The following MX2 variants were observed in gnomAD, a reference collection of about 807,000 sequenced individuals.
MX2 encodes interferon-induced GTP-binding protein Mx2.
MX2 carries 51 observed loss-of-function variants against 74.0 expected under a neutral mutation model. The ratio of observed to expected loss-of-function variants is 0.69; its 90% CI spans 0.55 to 0.87. The LOEUF is 0.87. Ranked by LOEUF, MX2 falls within the 40% of genes least tolerant of loss-of-function variation. MX2 has a pLI of 0.00. For missense variants in MX2, 832 were observed against 908.7 expected (o/e 0.92, Z 1.09); for synonymous variants, 369 against 339.3 (o/e 1.09, Z -0.96).
At chr21:41,386,579 T>A (rs2145913147) in intron 5 of MX2, among the ~76,000 whole-genome samples, 1 of 152,320 alleles carries the variant, frequency 6.6e-6, no homozygotes, top group South Asian at 2.1e-4. Context: ...CTTGGCCCCC[T>A]GTAGTCTGTC....
chr21:41,403,888 A>C, intron 12 of MX2: 1 of 224,252 alleles, frequency 4.5e-6, no homozygotes, highest in African/African-American at 2.3e-5. Flanking sequence ...AAGAAGGACA[A>C]TTTTCGTCAT....
In MX2 at chr21:41,362,067, G is replaced by T. The variant is rs2089214377; in HGVS notation, c.-72+12G>T. The T allele has an allele frequency of 6.6e-6, 1 of 152,322 alleles. No homozygotes were observed. The highest frequency in any genetic ancestry group is 6.5e-5 in the Admixed American group (1 of 15,288). 9.4% of individuals were successfully genotyped at this position (152,322 alleles called of 1,614,324 possible). A position where few individuals can be genotyped will look rare whatever the true frequency, so the allele number is the denominator to read the frequency against. On this transcript the variant is annotated intron_variant, in intron 1 of 13. Coordinates refer to ENST00000330714, the MANE Select transcript of MX2 (RefSeq NM_002463.2). ...CTGAACGTGCAGCGGTAAGAGCGGG[G>T]CCGGTGCAGGGAGGGCTGCTTTGTG... is the stretch of plus-strand genomic sequence containing the variant.
rs1258912490 is a variant in MX2 at position 41,406,697 on chromosome 21, G to A, written c.1651-47G>A. 5 of 1,578,270 alleles carry A rather than the reference G, an allele frequency of 3.2e-6. No individual in the cohort carries two copies. The African/African-American group carries it at 6.8e-5, about 22-fold the overall frequency. ...ACTTCCAAATTTGTTTAAGCCAACA[G>A]GAAAGAAGAAAAAGAAGTAATGTGT... is the stretch of plus-strand genomic sequence containing the variant. On this transcript the variant is annotated intron_variant, in intron 12 of 13. Coordinates refer to ENST00000330714, the MANE Select transcript of MX2 (RefSeq NM_002463.2).
At chr21:41,365,724 A>G (rs750462442) in intron 1 of MX2, 1 of 152,198 alleles carries the variant, frequency 6.6e-6, no homozygotes. Flanking sequence ...AATGATTTCT[A>G]TTCCTTTGGG....
At chr21:41,392,202 A>G (rs779049385) in intron 6 of MX2, among the ~76,000 whole-genome samples, 4 of 152,244 alleles carry the variant, frequency 2.6e-5, no homozygotes, top group Non-Finnish European at 4.4e-5. Context: ...TGCTAGGCTT[A>G]AGAGAAACAG....
At chr21:41,401,893 T>G in intron 10 of MX2, 77 bp from the exon 11 acceptor site, 1 of 1,514,762 alleles carries the variant, frequency 6.6e-7, no homozygotes, top group South Asian at 1.3e-5. Context: ...GGAGCAAGAC[T>G]TTATAAAACT....
rs1450889161 is a variant in MX2, at chr21:41,390,998, T to C, written c.871+295T>C. On this transcript the variant is annotated intron_variant, in intron 6 of 13. Coordinates refer to ENST00000330714, the MANE Select transcript of MX2 (RefSeq NM_002463.2). ...TCCAGCTTGGGCGACAGAGCAAGAC[T>C]CCATCTCAAAAAAAAAAAAAAGAAC... is the stretch of plus-strand genomic sequence containing the variant. Among the ~76,000 whole-genome samples, 5 of 141,958 alleles carry C rather than the reference T, an allele frequency of 3.5e-5. No individual in the cohort carries two copies. In the East Asian group the frequency reaches 1.1e-3, roughly 30 times the overall value. 93.1% of individuals were successfully genotyped at this position (141,958 alleles called of 152,430 possible).
At chr21:41,407,048 G>C in intron 13 of MX2, 50 bp downstream of exon 13, 1 of 1,583,220 alleles carries the variant, frequency 6.3e-7, no homozygotes, top group Non-Finnish European at 8.6e-7. Flanking sequence ...TTGCAGAGCT[G>C]AGTAGGGGCT....
intron 1 of MX2, among the ~76,000 whole-genome samples, chr21:41,362,926 TTTTA>T (rs2089229290): frequency 6.6e-6 from 1 of 151,580 alleles, no homozygotes; most frequent in Non-Finnish European, 1.5e-5. Flanking sequence ...ACCTGGTTAA[TTTTA>T]TTTCTTTTTG....
chr21:41,364,636 T>TA (rs2089247873), intron 1 of MX2: 2 of 152,082 alleles, frequency 1.3e-5, no homozygotes, highest in South Asian at 2.1e-4. Flanking sequence ...TAATGGAATA[T>TA]AAAAAAATAA....
chr21:41,380,280 G>A lies in MX2; in HGVS notation c.577+129G>A. 7.7e-7 allele frequency: 1 copy of A among 1,290,582 alleles called. No homozygotes were observed. Among genetic ancestry groups the A allele is most frequent in the Non-Finnish European group, 1.1e-6 (1 of 938,266 alleles). 79.9% of individuals were successfully genotyped at this position (1,290,582 alleles called of 1,614,324 possible). A position where few individuals can be genotyped will look rare whatever the true frequency, so the allele number is the denominator to read the frequency against. ...CCTAGCCCCATGTGCTCCCACATGGGGCTGAACCCATTGCTGTCACCTCCA... is the reference window on the plus strand; with the variant it reads ...CCTAGCCCCATGTGCTCCCACATGGAGCTGAACCCATTGCTGTCACCTCCA... On this transcript the variant is annotated intron_variant, in intron 4 of 13. Coordinates refer to ENST00000330714, the MANE Select transcript of MX2 (RefSeq NM_002463.2). This position sits in a 1 kb window ranked among gnomAD's most constrained non-coding sequence, Gnocchi z 4.3.
At chr21:41,374,627 A>T (rs1159604493) in intron 1 of MX2, among the ~76,000 whole-genome samples, 2 of 152,180 alleles carry the variant, frequency 1.3e-5, no homozygotes, top group Non-Finnish European at 2.9e-5. Flanking sequence ...AGGTTGCCCC[A>T]GGGGCTAGCT....
intron 4 of MX2, among the ~76,000 whole-genome samples, chr21:41,381,139 G>A (rs900309843): frequency 6.6e-5 from 10 of 152,128 alleles, no homozygotes; most frequent in African/African-American, 2.4e-4. Flanking sequence ...CAATTTCCGT[G>A]TTCACCCCTC....
At chr21:41,381,776 G>A (rs1315222107) in intron 4 of MX2, among the ~76,000 whole-genome samples, 5 of 152,002 alleles carry the variant, frequency 3.3e-5, no homozygotes, top group Non-Finnish European at 5.9e-5. Flanking sequence ...CTCCACTGCT[G>A]GTGGGAATGT....
Position 41,406,982 on chromosome 21 carries a change from T to C in MX2, c.1889T>C (p.Leu630Pro), listed in dbSNP as rs1489304116. 1 of 1,612,290 alleles carries C rather than the reference T, an allele frequency of 6.2e-7. No individual in the cohort carries two copies. The highest frequency in any genetic ancestry group is 1.3e-5 in the African/African-American group (1 of 75,018). The change falls in exon 13 of 14, where the codon CTG (leucine) becomes CCG (proline). Residue 630 changes from leucine (L) to proline (P), a missense_variant. Leu to Pro is a moderately conservative substitution (Grantham distance 98). Coordinates refer to ENST00000330714, the MANE Select transcript of MX2 (RefSeq NM_002463.2). ...TCCTTTACTGAAATAGGCATCCACC[T>C]GAATGCCTACTTCTTGGTGAGTTCC... ...VSSFTEIGIH[L>P]NAYFLETSKR...
intron 6 of MX2, among the ~76,000 whole-genome samples, chr21:41,394,857 C>A (rs2089712317): frequency 6.6e-6 from 1 of 151,928 alleles, no homozygotes; most frequent in South Asian, 2.1e-4. Flanking sequence ...AGGAGAATCG[C>A]TTGAACCGGG....
intron 12 of MX2, 75 bp from the exon 13 acceptor site, chr21:41,406,669 A>G: frequency 6.9e-7 from 1 of 1,445,428 alleles, no homozygotes; most frequent in Non-Finnish European, 9.4e-7. Context: ...TCAACATAAT[A>G]GTACTTCCAA....
chr21:41,403,122 G>A (rs997968040), intron 11 of MX2, 145 bp from the exon 12 acceptor site: 59 of 629,084 alleles, frequency 9.4e-5, no homozygotes, highest in Admixed American at 2.6e-4. Context: ...CTCTCCTATC[G>A]CGGTTTGCAG....
chr21:41,379,223 G>C (rs1444670375), intron 3 of MX2, among the ~76,000 whole-genome samples: 1 of 152,202 alleles, frequency 6.6e-6, no homozygotes, highest in African/African-American at 2.4e-5. Flanking sequence ...GAGACTACGG[G>C]GTGGAGAGTC....
Sources: allele counts gnomAD v4.1 joint callset (sites outside exome capture counted in the v4.1 genomes callset), GRCh38; gene constraint gnomAD v4.1.1; non-coding constraint Gnocchi (gnomAD v3.1); transcripts MANE v1.5; gene names NCBI Gene and HGNC (gene_info 2026-07-23, HGNC 2026-07-21).